Variants in ERFL observed in about 807,000 individuals in gnomAD.
ERFL encodes ETS repressor factor like, also known as ETS domain-containing transcription factor ERF-like.
ERFL carries 8 observed loss-of-function variants against 27.9 expected under a neutral mutation model. That is an observed-to-expected ratio of 0.29 (90% CI 0.17 to 0.52). ERFL has a LOEUF of 0.52. Ranked by LOEUF, ERFL falls within the 20% of genes least tolerant of loss-of-function variation. The pLI is 0.97. For synonymous variants in ERFL, 174 were observed against 202.8 expected (o/e 0.86, Z 1.21); for missense variants, 294 against 444.4 (o/e 0.66, Z 3.04).
rs2074802687 is a variant in ERFL, at chr19:41,916,542, GAC to G, written c.-13-3612_-13-3611del. ...CAAAGACACAAAATCACAAATCCTA[GAC>G]ACACTGTGTAAACACATAATCACAC... On this transcript the variant is annotated intron_variant, in intron 1 of 5. Transcript: ENST00000597630. This position sits in a 1 kb window ranked among gnomAD's most constrained non-coding sequence, Gnocchi z 5.4. Among the ~76,000 whole-genome samples, 1 of 151,850 alleles carries G rather than the reference GAC, an allele frequency of 6.6e-6. No individual in the cohort carries two copies. Among genetic ancestry groups the G allele is most frequent in the South Asian group, 2.1e-4 (1 of 4,820 alleles).
rs1555851964 is a variant in ERFL at position 41,916,605 on chromosome 19, C to T, written c.-13-3673G>A. ...ACAATCAAATACAGAAACCCAGATTCCCAAGCACACAATCGCACACTGAGA... is the reference window on the plus strand; with the variant it reads ...ACAATCAAATACAGAAACCCAGATTTCCAAGCACACAATCGCACACTGAGA... On this transcript the variant is annotated intron_variant, in intron 1 of 5. Transcript: ENST00000597630. This position sits in a 1 kb window ranked among gnomAD's most constrained non-coding sequence, Gnocchi z 5.4. 6.6e-6 allele frequency among the ~76,000 whole-genome samples: 1 copy of T among 152,106 alleles called. No homozygotes were observed. The highest frequency in any genetic ancestry group is 6.6e-5 in the Admixed American group (1 of 15,264).
At chr19:41,925,391 G>A (rs1445232459) in intron 1 of ERFL, among the ~76,000 whole-genome samples, 2 of 152,040 alleles carry the variant, frequency 1.3e-5, no homozygotes, top group Non-Finnish European at 1.5e-5. Flanking sequence ...TACAGGTGAC[G>A]CAGATACCTG....
intron 1 of ERFL, among the ~76,000 whole-genome samples, chr19:41,915,261 T>C (rs2145893991): frequency 6.7e-6 from 1 of 149,874 alleles, no homozygotes; most frequent in Admixed American, 6.6e-5. Context: ...CTCCGGGCCC[T>C]GCTCCCACGC....
At position 41,916,067 on chromosome 19, in the gene ERFL, T is replaced by C. The variant is rs1414453943; in HGVS notation, c.-13-3135A>G. 2.6e-5 allele frequency among the ~76,000 whole-genome samples: 4 copies of C among 151,792 alleles called. No homozygotes were observed. Among genetic ancestry groups the C allele is most frequent in the African/African-American group, 7.3e-5 (3 of 41,262 alleles). ...GCCCGCAGCCATGGCACCGAATGTG[T>C]GTGCGCATGTGAGCGAAGCGGTGTG... On this transcript the variant is annotated intron_variant, in intron 1 of 5. Transcript: ENST00000597630. This position sits in a 1 kb window ranked among gnomAD's most constrained non-coding sequence, Gnocchi z 5.4.
At chr19:41,927,232 C>T (rs1257416325) in intron 1 of ERFL, among the ~76,000 whole-genome samples, 1 of 152,056 alleles carries the variant, frequency 6.6e-6, no homozygotes, top group Non-Finnish European at 1.5e-5. Flanking sequence ...CAGGGCCCTG[C>T]GACAGTGGTG....
chr19:41,920,988 TCA>T (rs1229798998), intron 1 of ERFL, among the ~76,000 whole-genome samples: 12 of 152,184 alleles, frequency 7.9e-5, no homozygotes, highest in Non-Finnish European at 1.3e-4. Context: ...TCCCTGAGTC[TCA>T]GTCTCCGCAC....
intron 1 of ERFL, among the ~76,000 whole-genome samples, chr19:41,927,028 T>G (rs2074875782): frequency 1.3e-5 from 2 of 151,276 alleles, no homozygotes; most frequent in Admixed American, 6.6e-5. Context: ...CAGGGAGAGA[T>G]AAGCACAGAG....
intron 1 of ERFL, among the ~76,000 whole-genome samples, chr19:41,915,032 G>A (rs1255342243): frequency 4.5e-4 from 34 of 76,208 alleles, no homozygotes; most frequent in South Asian, 1.9e-3. Context: ...CCTGTCCCGC[G>A]TCTCTCCAGC....
At chr19:41,923,657 C>T (rs1555852894) in intron 1 of ERFL, among the ~76,000 whole-genome samples, 1 of 44,052 alleles carries the variant, frequency 2.3e-5, no homozygotes, top group Non-Finnish European at 4.1e-5. Flanking sequence ...CAGGGAGGGG[C>T]GGTGTGGGAG....
At position 41,921,570 on chromosome 19, in the gene ERFL, C is replaced by G. The variant is rs1225309064; in HGVS notation, c.-14+6470G>C. ...CGGCAGAAGGAGCGAACCAGAGAGG[C>G]TGAGACAAAAGTAGATTAGAAAGCT... On this transcript the variant is annotated intron_variant, in intron 1 of 5. Coordinates refer to ENST00000597630, the MANE Select transcript of ERFL (RefSeq NM_001365103.2). The surrounding 1 kb of genome is among the most constrained non-coding windows in gnomAD (Gnocchi z 4.4). Among the ~76,000 whole-genome samples, 1 of 151,922 alleles carries G rather than the reference C, an allele frequency of 6.6e-6. No homozygotes were observed. The highest frequency in any genetic ancestry group is 1.5e-5 in the Non-Finnish European group (1 of 67,998).
At chr19:41,912,789 G>A (rs1555851374) in intron 2 of ERFL, 64 bp downstream of exon 2, 1 of 507,908 alleles carries the variant, frequency 2.0e-6, no homozygotes, top group East Asian at 4.0e-5. Flanking sequence ...AGAGAAGGGG[G>A]ATGCGGCTCA....
intron 1 of ERFL, among the ~76,000 whole-genome samples, chr19:41,927,371 C>G (rs2074877798): frequency 6.6e-6 from 1 of 152,130 alleles, no homozygotes; most frequent in Admixed American, 6.5e-5. Flanking sequence ...CCTGTGACCC[C>G]TCATACCAAA....
rs920186407 is a variant in ERFL, at chr19:41,916,162, C to T, written c.-13-3230G>A. 2.6e-5 allele frequency among the ~76,000 whole-genome samples: 4 copies of T among 152,064 alleles called. No homozygotes were observed. Among genetic ancestry groups the T allele is most frequent in the South Asian group, 2.1e-4 (1 of 4,830 alleles). On this transcript the variant is annotated intron_variant, in intron 1 of 5. Coordinates refer to ENST00000597630, the MANE Select transcript of ERFL (RefSeq NM_001365103.2). This position sits in a 1 kb window ranked among gnomAD's most constrained non-coding sequence, Gnocchi z 5.4. ...CCAAGCACAACCACACAGACCCACA[C>T]ACCAACCCAGGCACGCACACCACCA...
intron 1 of ERFL, among the ~76,000 whole-genome samples, chr19:41,926,045 C>T (rs1290348617): frequency 6.6e-6 from 1 of 151,704 alleles, no homozygotes; most frequent in Non-Finnish European, 1.5e-5. Flanking sequence ...TGAAGAAATA[C>T]GAATGTGTGA....
chr19:41,924,923 T>A (rs1164611429), intron 1 of ERFL, among the ~76,000 whole-genome samples: 1 of 152,042 alleles, frequency 6.6e-6, no homozygotes, highest in African/African-American at 2.4e-5. Flanking sequence ...GGGACAGGTA[T>A]CAAAAGTGAA....
intron 1 of ERFL, among the ~76,000 whole-genome samples, chr19:41,913,548 C>T (rs1259859610): frequency 1.3e-5 from 2 of 151,690 alleles, no homozygotes; most frequent in Admixed American, 1.3e-4. Context: ...CTCCAGTCCT[C>T]TACCCCACAG....
rs890834298 is a variant in ERFL at position 41,909,426 on chromosome 19, C to T, written c.348G>A (p.Arg116=). Residue 116 remains arginine, a synonymous_variant, in exon 4 of 6, where the codon AGG becomes AGA. Transcript: ENST00000597630. This position sits in a 1 kb window ranked among gnomAD's most constrained non-coding sequence, Gnocchi z 5.2. ...TGCTGAAGTTGAACTTGTAGGTGAACCTCTTCCCTTTGGTCTTGTGGAGAA... is the reference window on the plus strand; with the variant it reads ...TGCTGAAGTTGAACTTGTAGGTGAATCTCTTCCCTTTGGTCTTGTGGAGAA... ...KRILHKTKGK[R]FTYKFNFSKV... The T allele has an allele frequency of 2.4e-6, 3 of 1,237,460 alleles. No homozygotes were observed. Among genetic ancestry groups the T allele is most frequent in the Non-Finnish European group, 3.0e-6 (3 of 990,428 alleles). The allele number at this position is 1,237,460 out of a possible 1,614,324, so 76.7% of individuals were successfully genotyped here. A position where few individuals can be genotyped will look rare whatever the true frequency, so the allele number is the denominator to read the frequency against.
rs189745472 is a variant in ERFL, at chr19:41,917,091, T to C, written c.-13-4159A>G. On this transcript the variant is annotated intron_variant, in intron 1 of 5. Coordinates refer to ENST00000597630, the MANE Select transcript of ERFL (RefSeq NM_001365103.2). The surrounding 1 kb of genome is among the most constrained non-coding windows in gnomAD (Gnocchi z 4.8). ...GTGACTGCCTCTCGAGACACAGGTC[T>C]CTCGGTCTCTCTCAGCCCCTTCGGG... is the stretch of plus-strand genomic sequence containing the variant. 3.7e-4 allele frequency among the ~76,000 whole-genome samples: 56 copies of C among 152,316 alleles called. No individual in the cohort carries two copies. Among genetic ancestry groups the C allele is most frequent in the Admixed American group, 5.9e-4 (9 of 15,306 alleles).
At chr19:41,923,135 T>G in intron 1 of ERFL, 1 of 456,434 alleles carries the variant, frequency 2.2e-6, no homozygotes, top group Non-Finnish European at 4.4e-6. Flanking sequence ...ACTGCCATGA[T>G]GGATGCCCAT....
Sources: allele counts gnomAD v4.1 joint callset (sites outside exome capture counted in the v4.1 genomes callset), GRCh38; gene constraint gnomAD v4.1.1; non-coding constraint Gnocchi (gnomAD v3.1); transcripts MANE v1.5; gene names NCBI Gene and HGNC (gene_info 2026-07-23, HGNC 2026-07-21).